PTPRM: variants seen among roughly 807,000 people sequenced by gnomAD.
PTPRM encodes protein tyrosine phosphatase receptor type M, also known as receptor-type tyrosine-protein phosphatase mu.
A neutral mutation model predicts 186.7 loss-of-function variants in PTPRM; 47 were observed. The observed-to-expected ratio is 0.25, with a 90% CI of 0.20 to 0.32. The LOEUF (loss-of-function observed/expected upper bound fraction) is 0.32, where lower values mean the gene tolerates loss of function less well. PTPRM is among the 10% of genes least tolerant of loss of function. The pLI, the probability that PTPRM is intolerant of heterozygous loss-of-function variation, is 1.00. For synonymous variants in PTPRM, 668 were observed against 674.9 expected (o/e 0.99, Z 0.16); for missense variants, 1,494 against 1,865.0 (o/e 0.80, Z 3.66).
intron 2 of PTPRM, among the ~76,000 whole-genome samples, chr18:7,847,172 CTTT>C (rs5822985): frequency 1.5e-5 from 2 of 136,712 alleles, no homozygotes. Flanking sequence ...ACAAATCTGG[CTTT>C]TTTTTTTTTT....
chr18:7,706,045 G>A (rs1240640598), intron 1 of PTPRM, among the ~76,000 whole-genome samples: 1 of 148,760 alleles, frequency 6.7e-6, no homozygotes, highest in East Asian at 1.9e-4. Flanking sequence ...ATATATGTGT[G>A]TGTATATACA....
intron 2 of PTPRM, chr18:7,813,995 A>G (rs1457472655): frequency 6.6e-6 from 1 of 152,042 alleles, no homozygotes; most frequent in Non-Finnish European, 1.5e-5. Context: ...TTTAATACTT[A>G]TTTACTAAAG....
At chr18:8,009,206 G>A (rs953964176) in intron 7 of PTPRM, among the ~76,000 whole-genome samples, 3 of 152,172 alleles carry the variant, frequency 2.0e-5, no homozygotes, top group Non-Finnish European at 2.9e-5. Context: ...TGTGGAGTAC[G>A]ATGCCTGGTT....
chr18:8,302,970 G>C (rs1420436993), intron 20 of PTPRM, among the ~76,000 whole-genome samples: 1 of 152,132 alleles, frequency 6.6e-6, no homozygotes, highest in Non-Finnish European at 1.5e-5. Context: ...TCTGTAGACT[G>C]CTGTGAAATC....
intron 5 of PTPRM, among the ~76,000 whole-genome samples, chr18:7,929,697 C>A (rs1162142645): frequency 6.6e-6 from 1 of 152,158 alleles, no homozygotes; most frequent in African/African-American, 2.4e-5. Flanking sequence ...TATATGTGTA[C>A]AAAGCAGTTT....
chr18:7,757,816 A>G (rs980300334), intron 1 of PTPRM, among the ~76,000 whole-genome samples: 1 of 152,120 alleles, frequency 6.6e-6, no homozygotes, highest in Non-Finnish European at 1.5e-5. Context: ...CTTAATGTGC[A>G]TGGTTGCAGG....
chr18:7,771,386 C>G (rs565540020), intron 1 of PTPRM, among the ~76,000 whole-genome samples: 32 of 152,186 alleles, frequency 2.1e-4, no homozygotes, highest in Non-Finnish European at 4.3e-4. Context: ...AACCGAGAGA[C>G]AATACTTCTC....
At chr18:7,738,632 G>A (rs767348473) in intron 1 of PTPRM, among the ~76,000 whole-genome samples, 53 of 146,980 alleles carry the variant, frequency 3.6e-4, no homozygotes, top group Non-Finnish European at 6.6e-4. Flanking sequence ...TAGTAGAGAC[G>A]GGGTTTCACC....
chr18:7,781,978 C>A (rs567889003), intron 2 of PTPRM, among the ~76,000 whole-genome samples: 1 of 152,110 alleles, frequency 6.6e-6, no homozygotes. Flanking sequence ...TTACTCAGAC[C>A]ACCTTGGTGA....
At chr18:8,015,480 A>G (rs1000002622) in intron 7 of PTPRM, among the ~76,000 whole-genome samples, 19 of 152,198 alleles carry the variant, frequency 1.2e-4, no homozygotes, top group African/African-American at 4.6e-4. Context: ...CAAATCCAAC[A>G]AAGAGAATGT....
chr18:7,733,862 C>T (rs2040712478), intron 1 of PTPRM, among the ~76,000 whole-genome samples: 1 of 152,174 alleles, frequency 6.6e-6, no homozygotes, highest in African/African-American at 2.4e-5. Context: ...TGGGCATGCC[C>T]AGGCAAGCCC....
chr18:7,857,254 G>C (rs1403644755), intron 2 of PTPRM, among the ~76,000 whole-genome samples: 2 of 152,078 alleles, frequency 1.3e-5, no homozygotes, highest in African/African-American at 2.4e-5. Flanking sequence ...GGCATGCTGA[G>C]GATGTTGAGC....
intron 1 of PTPRM, among the ~76,000 whole-genome samples, chr18:7,640,207 G>A (rs1165860240): frequency 2.0e-5 from 3 of 151,902 alleles, no homozygotes; most frequent in South Asian, 4.2e-4. Flanking sequence ...TAGCCTGTGG[G>A]GTTTCTCTCC....
chr18:8,323,710 T>C (rs2095359378), intron 22 of PTPRM, among the ~76,000 whole-genome samples: 1 of 151,876 alleles, frequency 6.6e-6, no homozygotes, highest in South Asian at 2.1e-4. Context: ...CCCTGTAGAG[T>C]CCAGGACTAG....
chr18:7,884,855 C>A (rs541514451), intron 2 of PTPRM, among the ~76,000 whole-genome samples: 1 of 128,368 alleles, frequency 7.8e-6, no homozygotes, highest in African/African-American at 3.0e-5. Context: ...ACCCAGGAGG[C>A]AGAGGTTGCA....
At chr18:7,777,141 T>G (rs1394657912) in intron 2 of PTPRM, among the ~76,000 whole-genome samples, 1 of 152,188 alleles carries the variant, frequency 6.6e-6, no homozygotes, top group African/African-American at 2.4e-5. Flanking sequence ...GAGGGCAAAT[T>G]TTCTAAACCT....
intron 20 of PTPRM, among the ~76,000 whole-genome samples, chr18:8,300,953 C>T (rs781767442): frequency 3.3e-5 from 5 of 152,200 alleles, no homozygotes; most frequent in Middle Eastern, 3.2e-3. Flanking sequence ...TCATGACTCA[C>T]ACGTACATAG....
At chr18:7,765,944 A>G (rs142413898) in intron 1 of PTPRM, among the ~76,000 whole-genome samples, 250 of 152,370 alleles carry the variant, frequency 1.6e-3, no homozygotes, top group African/African-American at 5.9e-3. Context: ...ATGTAAGTCA[A>G]TTTAACCTGT....
At chr18:7,662,892 A>G (rs2039011524) in intron 1 of PTPRM, among the ~76,000 whole-genome samples, 1 of 152,200 alleles carries the variant, frequency 6.6e-6, no homozygotes, top group Admixed American at 6.5e-5. Flanking sequence ...ATTAAAAAAG[A>G]TATATACATT....
Sources: gnomAD v4.1 joint callset for allele counts (sites outside exome capture counted in the v4.1 genomes callset) on GRCh38, gnomAD v4.1.1 for gene constraint, MANE v1.5 for transcripts, NCBI Gene and HGNC (gene_info 2026-07-23, HGNC 2026-07-21) for gene names.